The following TEX14 variants were observed in gnomAD, a reference collection of about 807,000 sequenced individuals.
The protein encoded by TEX14 is testis expressed 14, intercellular bridge forming factor, also known as inactive serine/threonine-protein kinase TEX14.
In TEX14, 168 loss-of-function variants were observed where a neutral mutation model predicts 178.6. The ratio of observed to expected loss-of-function variants is 0.94; its 90% CI spans 0.83 to 1.07. The LOEUF (loss-of-function observed/expected upper bound fraction) is 1.07, where lower values mean the gene tolerates loss of function less well. Among genes scored for constraint, TEX14 ranks in the 50% least tolerant of loss-of-function variants. TEX14 has a pLI of 0.00. For missense variants in TEX14, 1,730 were observed against 1,753.6 expected (o/e 0.99, Z 0.24); for synonymous variants, 626 against 634.1 (o/e 0.99, Z 0.19).
intron 1 of TEX14, among the ~76,000 whole-genome samples, chr17:58,663,307 A>G (rs1427268121): frequency 6.7e-6 from 1 of 148,312 alleles, no homozygotes; most frequent in Non-Finnish European, 1.5e-5. Flanking sequence ...CTGTAATCCC[A>G]GCTACTTGGG....
Position 58,587,555 on chromosome 17 carries a change from AATAAAAC to A in TEX14, c.2788+19_2788+25del. The A allele has an allele frequency of 1.5e-6, 2 of 1,345,980 alleles. No individual in the cohort carries two copies. Among genetic ancestry groups the A allele is most frequent in the Non-Finnish European group, 2.1e-6 (2 of 949,852 alleles). The allele number at this position is 1,345,980 out of a possible 1,614,324, so 83.4% of individuals were successfully genotyped here. The stretch of plus-strand genomic sequence containing the variant: ...ATATACTTTAAATTTCATTTTGTCT[AATAAAAC>A]CCATGACTTTATACTCACTTTTCCA... On this transcript the variant is annotated intron_variant, in intron 17 of 31. Transcript: ENST00000349033.
intron 15 of TEX14, among the ~76,000 whole-genome samples, chr17:58,591,713 GAA>G (rs991621890): frequency 1.3e-4 from 17 of 131,532 alleles, no homozygotes; most frequent in Non-Finnish European, 2.5e-4. Context: ...TTATCCACAG[GAA>G]AAAAAAAAAA....
intron 18 of TEX14, 137 bp from the exon 19 acceptor site, chr17:58,584,737 TC>T: frequency 1.4e-6 from 1 of 694,130 alleles, no homozygotes; most frequent in Non-Finnish European, 2.5e-6. Context: ...TTAGGTTCAG[TC>T]CAGAGAGTAG....
At chr17:58,562,517 T>C (rs1200339905) in intron 28 of TEX14, among the ~76,000 whole-genome samples, 1 of 152,082 alleles carries the variant, frequency 6.6e-6, no homozygotes, top group Non-Finnish European at 1.5e-5. Context: ...ATTTTCTTTT[T>C]TTTTTTTGAG....
intron 3 of TEX14, among the ~76,000 whole-genome samples, chr17:58,624,242 G>C (rs745869893): frequency 6.6e-6 from 1 of 151,982 alleles, no homozygotes; most frequent in South Asian, 2.1e-4. Flanking sequence ...GCAGTGAGCC[G>C]AGATCATGCC....
chr17:58,650,661 A>G (rs919106582), intron 2 of TEX14, among the ~76,000 whole-genome samples: 1 of 151,716 alleles, frequency 6.6e-6, no homozygotes, highest in Admixed American at 6.6e-5. Flanking sequence ...AGGGTCTCAC[A>G]GTGTTGCCCA....
rs1555577606 is a variant in TEX14 at position 58,640,644 on chromosome 17, T to TGTGTGTGA, written c.137-10091_137-10090insTCACACAC. On this transcript the variant is annotated intron_variant, in intron 2 of 31. Coordinates refer to ENST00000349033, the MANE Select transcript of TEX14 (RefSeq NM_031272.5). ...GTGTGTGTGTGTGTGTGTGTGTGTG[T>TGTGTGTGA]GAGAGAGAGAGAGAGAATGATAAAT... 9.7e-3 allele frequency among the ~76,000 whole-genome samples: 1,429 copies of TGTGTGTGA among 147,102 alleles called. 16 individuals carry two copies. The highest frequency in any genetic ancestry group is 0.028 in the African/African-American group (1,100 of 39,804).
chr17:58,563,205 T>C (rs2044307393), intron 28 of TEX14, among the ~76,000 whole-genome samples: 1 of 152,130 alleles, frequency 6.6e-6, no homozygotes, highest in Admixed American at 6.5e-5. Context: ...CGAATAATGA[T>C]AGTTCAAGAG....
chr17:58,563,813 C>T (rs2044340486), intron 28 of TEX14, among the ~76,000 whole-genome samples: 1 of 95,170 alleles, frequency 1.1e-5, no homozygotes, highest in Non-Finnish European at 2.5e-5. Flanking sequence ...CACACACAGA[C>T]ACACACACAC....
intron 19 of TEX14, among the ~76,000 whole-genome samples, chr17:58,583,208 C>G (rs1567718435): frequency 6.6e-6 from 1 of 152,014 alleles, no homozygotes; most frequent in Non-Finnish European, 1.5e-5. Flanking sequence ...TCATGGCTCA[C>G]TGCAGCCTCA....
intron 1 of TEX14, chr17:58,661,865 G>A: frequency 2.7e-6 from 1 of 372,202 alleles, no homozygotes; most frequent in Non-Finnish European, 4.8e-6. Flanking sequence ...CTGCCTTCCT[G>A]GCTCACAAGA....
intron 2 of TEX14, among the ~76,000 whole-genome samples, chr17:58,636,919 A>G (rs1831645275): frequency 6.6e-6 from 1 of 151,008 alleles, no homozygotes; most frequent in African/African-American, 2.4e-5. Context: ...TCTCAAAAAA[A>G]AAAGAAGAAA....
rs551128316 is a variant in TEX14 at position 58,567,548 on chromosome 17, C to T, written c.3886+1644G>A. Among the ~76,000 whole-genome samples the T allele has an allele frequency of 4.6e-5, 7 of 152,308 alleles. 1 individual carries two copies. The South Asian group carries it at 1.5e-3, about 32-fold the overall frequency. ...AGAACCTTCCACTTTAGGCACCTGTCAGGAGCCTAGAGCTTTGGATGTGAG... is the reference window on the plus strand; with the variant it reads ...AGAACCTTCCACTTTAGGCACCTGTTAGGAGCCTAGAGCTTTGGATGTGAG... On this transcript the variant is annotated intron_variant, in intron 26 of 31. Coordinates refer to ENST00000349033, the MANE Select transcript of TEX14 (RefSeq NM_031272.5).
intron 28 of TEX14, 83 bp downstream of exon 28, chr17:58,564,786 C>T: frequency 1.3e-6 from 1 of 796,564 alleles, no homozygotes; most frequent in Non-Finnish European, 1.9e-6. Flanking sequence ...TTTTTTCTTT[C>T]TTATTTGTCA....
intron 3 of TEX14, among the ~76,000 whole-genome samples, chr17:58,628,377 G>A (rs2046198704): frequency 6.6e-6 from 1 of 152,010 alleles, no homozygotes; most frequent in Middle Eastern, 3.4e-3. Context: ...AAGAGTTCGA[G>A]ACCAGCCTGA....
chr17:58,612,639 G>A (rs1413499684), intron 9 of TEX14, among the ~76,000 whole-genome samples: 2 of 151,346 alleles, frequency 1.3e-5, no homozygotes, highest in Non-Finnish European at 2.9e-5. Context: ...GGAGGCTGAG[G>A]CATGAGAATC....
intron 11 of TEX14, among the ~76,000 whole-genome samples, chr17:58,602,870 G>C (rs907317062): frequency 6.7e-6 from 1 of 150,112 alleles, no homozygotes; most frequent in Non-Finnish European, 1.5e-5. Flanking sequence ...GATCGAGACC[G>C]TCCTGGCCAA....
intron 13 of TEX14, among the ~76,000 whole-genome samples, chr17:58,600,574 A>G (rs1197902864): frequency 6.6e-6 from 1 of 151,590 alleles, no homozygotes; most frequent in East Asian, 1.9e-4. Context: ...AAAAAAAAAA[A>G]GTAGCCTAGA....
At chr17:58,613,199 CA>C (rs917433122) in intron 9 of TEX14, among the ~76,000 whole-genome samples, 207 of 135,260 alleles carry the variant, frequency 1.5e-3, no homozygotes, top group Middle Eastern at 3.8e-3. Context: ...GACTCTGTCT[CA>C]AAAAAAAAAA....
Sources: gnomAD v4.1 joint callset for allele counts (sites outside exome capture counted in the v4.1 genomes callset) on GRCh38, gnomAD v4.1.1 for gene constraint, MANE v1.5 for transcripts, NCBI Gene and HGNC (gene_info 2026-07-23, HGNC 2026-07-21) for gene names.